Variants in KIAA0232 observed in about 807,000 individuals in gnomAD.
KIAA0232 encodes the protein KIAA0232.
KIAA0232 carries 27 observed loss-of-function variants against 122.0 expected under a neutral mutation model. That is an observed-to-expected ratio of 0.22 (90% confidence interval 0.16 to 0.31). The LOEUF is 0.31. Among genes scored for constraint, KIAA0232 ranks in the 10% least tolerant of loss-of-function variants. KIAA0232 has a pLI of 1.00. For missense variants in KIAA0232, 1,551 were observed against 1,634.2 expected (o/e 0.95, Z 0.88); for synonymous variants, 613 against 587.6 (o/e 1.04, Z -0.63).
intron 2 of KIAA0232, among the ~76,000 whole-genome samples, chr4:6,817,550 A>G (rs183709034): frequency 2.6e-5 from 4 of 152,268 alleles, no homozygotes; most frequent in African/African-American, 9.6e-5. Flanking sequence ...TTAGTTCTCA[A>G]ATGTTTGGAA....
intron 4 of KIAA0232, among the ~76,000 whole-genome samples, chr4:6,854,841 C>G (rs115133964): frequency 5.2e-4 from 79 of 152,160 alleles, no homozygotes; most frequent in African/African-American, 1.8e-3. Flanking sequence ...TATAGGCTCT[C>G]AAAATATTAT....
intron 2 of KIAA0232, among the ~76,000 whole-genome samples, chr4:6,812,345 C>G (rs1717917418): frequency 6.6e-6 from 1 of 152,122 alleles, no homozygotes. Flanking sequence ...GAGGAACTGA[C>G]TTTTAGTTTA....
chr4:6,834,861 TA>T (rs1719179136), intron 3 of KIAA0232, among the ~76,000 whole-genome samples: 1 of 152,190 alleles, frequency 6.6e-6, no homozygotes, highest in Non-Finnish European at 1.5e-5. Context: ...CTCTTGAGTT[TA>T]AAAGAGAGTT....
At chr4:6,798,337 T>G (rs959889262) in intron 1 of KIAA0232, among the ~76,000 whole-genome samples, 1 of 152,090 alleles carries the variant, frequency 6.6e-6, no homozygotes, top group African/African-American at 2.4e-5. Flanking sequence ...ATAAAATAAC[T>G]ATAGAGAGCC....
Position 6,861,600 on chromosome 4 carries a change from A to G in KIAA0232, c.1218A>G (p.Pro406=). 2 of 1,614,054 alleles carry G rather than the reference A, an allele frequency of 1.2e-6. No homozygotes were observed. Among genetic ancestry groups the G allele is most frequent in the Admixed American group, 1.7e-5 (1 of 60,024 alleles). The change falls in exon 7 of 10, where the codon CCA becomes CCG. Residue 406 remains proline (P), a synonymous_variant. Transcript: ENST00000307659. Reference sequence around the variant, plus strand: ...AGGAGCCCTTGTGGTACACCGAGCCAATTGCTGAATATTTTGTTCCTCTGA... The same window carrying G: ...AGGAGCCCTTGTGGTACACCGAGCCGATTGCTGAATATTTTGTTCCTCTGA... ...YKEEPLWYTE[P]IAEYFVPLSR...
chr4:6,847,552 C>G (rs545715337), intron 4 of KIAA0232, among the ~76,000 whole-genome samples: 1 of 152,272 alleles, frequency 6.6e-6, no homozygotes, highest in East Asian at 1.9e-4. Flanking sequence ...GAATCATGAC[C>G]TTTGATGGGC....
At chr4:6,840,458 G>GT (rs1241251616) in intron 3 of KIAA0232, among the ~76,000 whole-genome samples, 1 of 152,168 alleles carries the variant, frequency 6.6e-6, no homozygotes, top group East Asian at 1.9e-4. Flanking sequence ...GACTGCTGGT[G>GT]TATTTCCAAG....
In KIAA0232 at chr4:6,862,514, G is replaced by A; in HGVS notation, c.2132G>A (p.Cys711Tyr). ...TGTTCTAATCTTTCAACAAGAACTT[G>A]TAGTCCATGGTCCCATTCAGAAGAA... ...EHCSNLSTRT[C>Y]SPWSHSEETR... The change falls in exon 7 of 10, where the codon TGT becomes TAT. Residue 711 changes from cysteine to tyrosine, a missense_variant. By Grantham distance (194) the Cys-to-Tyr change is radical (BLOSUM62 -2). This residue lies in a region of KIAA0232 where 1,108 missense variants were observed against 1,154.8 expected (regional missense o/e 0.96). Coordinates refer to ENST00000307659, the MANE Select transcript of KIAA0232 (RefSeq NM_014743.3). 1 of 1,613,814 alleles carries A rather than the reference G, an allele frequency of 6.2e-7. No homozygotes were observed. Among genetic ancestry groups the A allele is most frequent in the Non-Finnish European group, 8.5e-7 (1 of 1,179,944 alleles).
At chr4:6,795,532 G>A (rs544765890) in intron 1 of KIAA0232, among the ~76,000 whole-genome samples, 17 of 151,950 alleles carry the variant, frequency 1.1e-4, no homozygotes, top group African/African-American at 4.1e-4. Context: ...TGGATATACT[G>A]GGTTAAATCA....
chr4:6,823,312 T>C (rs568289629), intron 2 of KIAA0232, among the ~76,000 whole-genome samples: 2 of 152,226 alleles, frequency 1.3e-5, no homozygotes, highest in African/African-American at 4.8e-5. Flanking sequence ...GATGGCTGGG[T>C]CAAATGGTAT....
At chr4:6,797,946 T>C (rs1717207385) in intron 1 of KIAA0232, among the ~76,000 whole-genome samples, 1 of 150,842 alleles carries the variant, frequency 6.6e-6, no homozygotes, top group South Asian at 2.1e-4. Context: ...TAGTCCCAGC[T>C]ACTTGGGAGG....
chr4:6,840,395 G>A (rs1013204173), intron 3 of KIAA0232, among the ~76,000 whole-genome samples: 4 of 152,106 alleles, frequency 2.6e-5, no homozygotes, highest in African/African-American at 9.7e-5. Context: ...TTGTGGTTTT[G>A]GTCATTTAGG....
chr4:6,858,197 G>A (rs891271533), intron 5 of KIAA0232, among the ~76,000 whole-genome samples: 6 of 152,154 alleles, frequency 3.9e-5, no homozygotes, highest in African/African-American at 1.4e-4. Context: ...TATCAGTGAC[G>A]AGATGAACAA....
chr4:6,836,740 G>C (rs1468510521), intron 3 of KIAA0232, among the ~76,000 whole-genome samples: 1 of 151,396 alleles, frequency 6.6e-6, no homozygotes, highest in East Asian at 1.9e-4. Context: ...ATTAGGGAGC[G>C]GTGATGACTC....
chr4:6,813,077 C>T (rs1019447248), intron 2 of KIAA0232, among the ~76,000 whole-genome samples: 1 of 152,058 alleles, frequency 6.6e-6, no homozygotes, highest in African/African-American at 2.4e-5. Flanking sequence ...GCTATTAGTG[C>T]ACTCTAAATA....
intron 1 of KIAA0232, among the ~76,000 whole-genome samples, chr4:6,790,704 G>C (rs1221666919): frequency 1.3e-5 from 2 of 151,860 alleles, no homozygotes; most frequent in Non-Finnish European, 2.9e-5. Context: ...TTAGATGTCT[G>C]ATTAGTATGT....
chr4:6,878,551 T>G (rs746001901), intron 9 of KIAA0232, among the ~76,000 whole-genome samples: 33 of 152,234 alleles, frequency 2.2e-4, no homozygotes, highest in Non-Finnish European at 4.7e-4. Context: ...ATTACAGTCC[T>G]GGTTTCTGCA....
chr4:6,856,258 G>C (rs1205460940), intron 4 of KIAA0232, among the ~76,000 whole-genome samples: 1 of 152,122 alleles, frequency 6.6e-6, no homozygotes, highest in African/African-American at 2.4e-5. Flanking sequence ...TCTCCATCAC[G>C]CGCATCTGTT....
chr4:6,843,834 T>G (rs555533817), intron 4 of KIAA0232, among the ~76,000 whole-genome samples: 1 of 151,866 alleles, frequency 6.6e-6, no homozygotes, highest in South Asian at 2.1e-4. Context: ...CATGATACAT[T>G]GTGTATACCT....
Sources: gnomAD v4.1 joint callset for allele counts (sites outside exome capture counted in the v4.1 genomes callset) on GRCh38, gnomAD v4.1.1 for gene constraint, gnomAD v4.1.1 regional missense constraint, MANE v1.5 for transcripts, NCBI Gene and HGNC (gene_info 2026-07-23, HGNC 2026-07-21) for gene names.